Variants in ITGB5 observed in about 807,000 individuals in gnomAD.
ITGB5 encodes the protein integrin subunit beta 5, also known as integrin beta-5.
ITGB5 carries 38 observed loss-of-function variants against 84.8 expected under a neutral mutation model. That is an observed-to-expected ratio of 0.45 (90% CI 0.35 to 0.59). The LOEUF (loss-of-function observed/expected upper bound fraction) is 0.59, where lower values mean the gene tolerates loss of function less well. Among genes scored for constraint, ITGB5 ranks in the 20% least tolerant of loss-of-function variants. The pLI, the probability that ITGB5 is intolerant of heterozygous loss-of-function variation, is 0.01. For synonymous variants in ITGB5, 393 were observed against 414.4 expected (o/e 0.95, Z 0.63); for missense variants, 905 against 1,034.5 (o/e 0.87, Z 1.72).
chr3:124,879,999 T>A (rs1278827991), intron 1 of ITGB5, among the ~76,000 whole-genome samples: 5 of 152,204 alleles, frequency 3.3e-5, no homozygotes, highest in African/African-American at 1.2e-4. Flanking sequence ...TCAAAAGGTA[T>A]TTTTTTAAAG....
chr3:124,878,382 T>C (rs1413960252), intron 1 of ITGB5, among the ~76,000 whole-genome samples: 2 of 152,234 alleles, frequency 1.3e-5, no homozygotes, highest in Non-Finnish European at 2.9e-5. Context: ...GAAAACATCA[T>C]GAACAACTGT....
At position 124,796,674 on chromosome 3, in the gene ITGB5, C is replaced by T. The variant is rs771516412; in HGVS notation, c.1407G>A (p.Leu469=). Residue 469 remains leucine (L), a synonymous_variant, in exon 10 of 15, where the codon CTG becomes CTA. Coordinates refer to ENST00000296181, the MANE Select transcript of ITGB5 (RefSeq NM_002213.5). ...CGTTGCACCTGGCGCTGTTGGGTTC[C>T]AGCCCCACGCTGCAGCCGCACGTGC... ...YNCTCGCSVG[L]EPNSARCNGS... is the part of the protein sequence containing the mutation. The T allele has an allele frequency of 1.2e-6, 2 of 1,614,086 alleles. No individual in the cohort carries two copies. The highest frequency in any genetic ancestry group is 1.7e-6 in the Non-Finnish European group (2 of 1,180,036).
chr3:124,885,916 G>C (rs888409990), intron 1 of ITGB5, among the ~76,000 whole-genome samples: 3 of 152,166 alleles, frequency 2.0e-5, no homozygotes, highest in Non-Finnish European at 2.9e-5. Context: ...TCCTCCCTTC[G>C]GGCAGCCAGG....
chr3:124,805,149 CTT>C, intron 9 of ITGB5, among the ~76,000 whole-genome samples: 1 of 138,242 alleles, frequency 7.2e-6, no homozygotes. Context: ...CTCTCTCTCT[CTT>C]TCTTTCTTTC....
chr3:124,827,607 A>T (rs528537722), intron 5 of ITGB5, among the ~76,000 whole-genome samples: 52 of 152,286 alleles, frequency 3.4e-4, no homozygotes, highest in African/African-American at 1.2e-3. Flanking sequence ...AGAGACCGGA[A>T]CCCTCACGCC....
intron 11 of ITGB5, 127 bp downstream of exon 11, chr3:124,773,563 C>T (rs926378680): frequency 3.9e-5 from 30 of 764,048 alleles, no homozygotes; most frequent in Non-Finnish European, 5.6e-5. Context: ...GGCTCCCCAG[C>T]GAGGCTTGCT....
At chr3:124,772,096 C>T (rs192129159) in intron 11 of ITGB5, among the ~76,000 whole-genome samples, 112 of 152,272 alleles carry the variant, frequency 7.4e-4, no homozygotes, top group Middle Eastern at 3.4e-3. Context: ...GCACCTCCCT[C>T]GGATACAAAA....
chr3:124,808,573 T>C (rs893172779), intron 9 of ITGB5, among the ~76,000 whole-genome samples: 6 of 152,158 alleles, frequency 3.9e-5, no homozygotes. Flanking sequence ...CCATTCTATT[T>C]CACCAAAACA....
chr3:124,775,467 C>A (rs959507943), intron 10 of ITGB5, among the ~76,000 whole-genome samples: 2 of 152,098 alleles, frequency 1.3e-5, no homozygotes, highest in Admixed American at 6.6e-5. Flanking sequence ...GACTAGATAG[C>A]ACCGTCTTCC....
upstream of ITGB5, among the ~76,000 whole-genome samples, chr3:124,889,839 C>A (rs1261334805): frequency 2.0e-5 from 3 of 152,120 alleles, no homozygotes; most frequent in African/African-American, 4.8e-5. Context: ...CATGGCGAAA[C>A]CCTGTCTCTT....
At chr3:124,818,916 G>T (rs558319811) in intron 7 of ITGB5, among the ~76,000 whole-genome samples, 1 of 152,160 alleles carries the variant, frequency 6.6e-6, no homozygotes, top group African/African-American at 2.4e-5. Flanking sequence ...TGTTCTGGGG[G>T]TGGAGGGTGG....
upstream of ITGB5, among the ~76,000 whole-genome samples, chr3:124,890,218 T>A (rs1014617058): frequency 6.9e-6 from 1 of 144,788 alleles, no homozygotes; most frequent in African/African-American, 2.5e-5. Flanking sequence ...TTTTTTTTTT[T>A]TTGGAGACGG....
In ITGB5 at chr3:124,865,486, T is replaced by TC. The variant is rs1553766697; in HGVS notation, c.157-6041_157-6040insG. 5.7e-4 allele frequency among the ~76,000 whole-genome samples: 74 copies of TC among 130,576 alleles called. 2 individuals carry two copies. The highest frequency in any genetic ancestry group is 3.0e-3 in the Admixed American group (41 of 13,652). 85.7% of individuals were successfully genotyped at this position (130,576 alleles called of 152,430 possible). A position where few individuals can be genotyped will look rare whatever the true frequency, so the allele number is the denominator to read the frequency against. On this transcript the variant is annotated intron_variant, in intron 2 of 14. Transcript: ENST00000296181. ...GTGTCCTTTGCGGCTTTTTTCTTTT[T>TC]TTTTTTTTTTTTTTTTGAGAGACTG...
intron 9 of ITGB5, among the ~76,000 whole-genome samples, chr3:124,808,403 TGTG>T (rs2064443742): frequency 6.6e-6 from 1 of 152,220 alleles, no homozygotes; most frequent in Admixed American, 6.5e-5. Flanking sequence ...TCGCGGCCTC[TGTG>T]CCCGTGTCTG....
upstream of ITGB5, chr3:124,887,727 G>A (rs925443066): frequency 4.4e-6 from 2 of 451,984 alleles, no homozygotes; most frequent in Non-Finnish European, 8.9e-6. Context: ...AAAGGCGGTT[G>A]CTAGACTGCG....
chr3:124,873,879 A>G (rs1934176326), intron 1 of ITGB5, among the ~76,000 whole-genome samples: 1 of 152,114 alleles, frequency 6.6e-6, no homozygotes. Flanking sequence ...TACAAAAAGA[A>G]AAGAAAAGAA....
chr3:124,767,741 G>C (rs1004347637), intron 12 of ITGB5, among the ~76,000 whole-genome samples: 3 of 152,168 alleles, frequency 2.0e-5, no homozygotes, highest in Non-Finnish European at 4.4e-5. Flanking sequence ...CACAGTAGGC[G>C]CTCAACGAAT....
intron 2 of ITGB5, among the ~76,000 whole-genome samples, chr3:124,861,768 G>C (rs1043039264): frequency 6.6e-6 from 1 of 152,102 alleles, no homozygotes; most frequent in Non-Finnish European, 1.5e-5. Flanking sequence ...CACCATGTTG[G>C]CCAGGATGGC....
Position 124,819,647 on chromosome 3 carries a change from C to T in ITGB5, c.1038+92G>A, listed in dbSNP as rs760693255. ...AAGACTGGGCTATATTCCACCCCTC[C>T]TTTGAATTTCCCCCAGATAGGCAGA... On this transcript the variant is annotated intron_variant, in intron 7 of 14. Transcript: ENST00000296181. 91 of 913,782 alleles carry T rather than the reference C, an allele frequency of 1.0e-4. No individual in the cohort carries two copies. The Admixed American group carries it at 1.3e-3, about 13-fold the overall frequency. 56.6% of individuals were successfully genotyped at this position (913,782 alleles called of 1,614,324 possible). A position where few individuals can be genotyped will look rare whatever the true frequency, so the allele number is the denominator to read the frequency against.
Sources: allele counts gnomAD v4.1 joint callset (sites outside exome capture counted in the v4.1 genomes callset), GRCh38; gene constraint gnomAD v4.1.1; transcripts MANE v1.5; gene names NCBI Gene and HGNC (gene_info 2026-07-23, HGNC 2026-07-21).